DAP: variants seen among roughly 807,000 people sequenced by gnomAD.
DAP encodes the protein death associated protein, also known as death-associated protein 1.
In DAP, 8 loss-of-function variants were observed where a neutral mutation model predicts 13.8. The ratio of observed to expected loss-of-function variants is 0.58; its 90% CI spans 0.34 to 1.05. The LOEUF (loss-of-function observed/expected upper bound fraction) is 1.05. Among genes scored for constraint, DAP ranks in the 50% least tolerant of loss-of-function variants. The pLI is 0.03. For synonymous variants in DAP, 47 were observed against 47.5 expected, an observed-to-expected ratio of 0.99 and a Z score of 0.04; for missense variants, 106 against 133.2, an observed-to-expected ratio of 0.80 and a Z score of 1.01.
chr5:10,703,961 A>G (rs1738641422), intron 2 of DAP, among the ~76,000 whole-genome samples: 1 of 152,220 alleles, frequency 6.6e-6, no homozygotes, highest in South Asian at 2.1e-4. Flanking sequence ...TCACAGCACC[A>G]TGCTGTGGCA....
intron 2 of DAP, among the ~76,000 whole-genome samples, chr5:10,691,234 A>C (rs1204379941): frequency 2.0e-5 from 3 of 152,256 alleles, no homozygotes; most frequent in Admixed American, 1.3e-4. Flanking sequence ...CAAAATGTCT[A>C]ACAGCGATAT....
At chr5:10,730,551 G>GGGA (rs1368398176) in intron 2 of DAP, among the ~76,000 whole-genome samples, 1 of 148,220 alleles carries the variant, frequency 6.7e-6, no homozygotes. Flanking sequence ...CTGGTAGGGG[G>GGGA]AATCTTTCTG....
At chr5:10,701,482 G>A (rs1738573938) in intron 2 of DAP, among the ~76,000 whole-genome samples, 2 of 152,148 alleles carry the variant, frequency 1.3e-5, no homozygotes, top group South Asian at 4.1e-4. Context: ...TTTCAAGGAT[G>A]TAAGTACAAA....
chr5:10,760,886 G>A (rs957921816), intron 1 of DAP, 128 bp downstream of exon 1: 3 of 490,320 alleles, frequency 6.1e-6, no homozygotes, highest in Non-Finnish European at 9.0e-6. Context: ...CCCCTCGGGC[G>A]GGCATCAAGG....
chr5:10,691,861 G>A (rs550619106), intron 2 of DAP, among the ~76,000 whole-genome samples: 3 of 152,208 alleles, frequency 2.0e-5, no homozygotes, highest in South Asian at 4.1e-4. Flanking sequence ...GTCCGTGCAC[G>A]TGGGTCTCTA....
Position 10,748,262 on chromosome 5 carries a change from C to T in DAP, c.65G>A (p.Gly22Asp). Residue 22 changes from glycine to aspartate, a missense_variant, in exon 2 of 4, where the codon GGT becomes GAT. Physicochemically the swap from Gly to Asp is moderately conservative, Grantham distance 94 (BLOSUM62 -1). Transcript: ENST00000230895. ...KAGHPPAVKA[G>D]GMRIVQKHPH... Reference sequence around the variant, plus strand: ...GTGTTTCTGCACAATTCGCATTCCACCAGCTTTCACTGAAATGAAAACAGA... The same window carrying T: ...GTGTTTCTGCACAATTCGCATTCCATCAGCTTTCACTGAAATGAAAACAGA... 1.9e-6 allele frequency: 3 copies of T among 1,613,688 alleles called. No homozygotes were observed. The highest frequency in any genetic ancestry group is 2.2e-5 in the South Asian group (2 of 91,074).
chr5:10,760,940 C>G (rs1202657390), intron 1 of DAP, 74 bp downstream of exon 1: 2 of 986,372 alleles, frequency 2.0e-6, no homozygotes, highest in Non-Finnish European at 2.6e-6. Flanking sequence ...CCCCGCGGAG[C>G]CCCCGCCCGG....
chr5:10,697,048 T>TA (rs375329394), intron 2 of DAP, among the ~76,000 whole-genome samples: 4 of 151,652 alleles, frequency 2.6e-5, no homozygotes, highest in Non-Finnish European at 5.9e-5. Context: ...GGGGCAAACT[T>TA]AAAAAAAAGG....
chr5:10,760,925 G>A, intron 1 of DAP, 89 bp downstream of exon 1: 4 of 843,604 alleles, frequency 4.7e-6, no homozygotes, highest in Non-Finnish European at 6.2e-6. Context: ...GCTCGCCGGG[G>A]CCCTCCCCGC....
chr5:10,730,403 G>A lies in DAP; in HGVS notation c.152+17772C>T, dbSNP rs187344145. On this transcript the variant is annotated intron_variant, in intron 2 of 3. Coordinates refer to ENST00000230895, the MANE Select transcript of DAP (RefSeq NM_004394.3). ...AAATCTACTACAAGAGTGGGGGACT[G>A]AGAGCCCCGGTGGGGGGGAATCTTT... Among the ~76,000 whole-genome samples the A allele has an allele frequency of 2.0e-3, 311 of 152,372 alleles. 5 individuals carry two copies. The South Asian group carries it at 0.029, about 14-fold the overall frequency.
intron 2 of DAP, among the ~76,000 whole-genome samples, chr5:10,741,714 G>C (rs1319382633): frequency 6.6e-6 from 1 of 152,156 alleles, no homozygotes; most frequent in Non-Finnish European, 1.5e-5. Context: ...GTGCCTACTT[G>C]CTAAAATTTA....
intron 2 of DAP, among the ~76,000 whole-genome samples, chr5:10,721,042 C>T (rs1463175245): frequency 6.6e-6 from 1 of 152,232 alleles, no homozygotes; most frequent in African/African-American, 2.4e-5. Flanking sequence ...TGTTCTCCAT[C>T]ATCCTGAAGC....
At chr5:10,735,011 T>C (rs1188500710) in intron 2 of DAP, among the ~76,000 whole-genome samples, 1 of 152,202 alleles carries the variant, frequency 6.6e-6, no homozygotes, top group Non-Finnish European at 1.5e-5. Context: ...CTTCATCTGC[T>C]TTCAGTGTCT....
chr5:10,757,295 C>A (rs972176808), intron 1 of DAP, among the ~76,000 whole-genome samples: 1 of 151,118 alleles, frequency 6.6e-6, no homozygotes, highest in African/African-American at 2.4e-5. Flanking sequence ...TTTTTTTAGA[C>A]GAAATATTCG....
intron 2 of DAP, among the ~76,000 whole-genome samples, chr5:10,736,627 G>C (rs1322080383): frequency 6.6e-6 from 1 of 152,180 alleles, no homozygotes; most frequent in Non-Finnish European, 1.5e-5. Context: ...CTCCCTTGCT[G>C]GCACATAAAC....
At chr5:10,731,896 G>C (rs364491) in intron 2 of DAP, among the ~76,000 whole-genome samples, 77,744 of 152,098 alleles carry the variant, frequency 0.51, 21,980 homozygotes, top group Non-Finnish European at 0.64. Context: ...GGAGGGCAGA[G>C]AGGTGGCCCT....
chr5:10,733,473 C>G (rs1469780843), intron 2 of DAP, among the ~76,000 whole-genome samples: 1 of 152,156 alleles, frequency 6.6e-6, no homozygotes, highest in Non-Finnish European at 1.5e-5. Flanking sequence ...TGACATCTCA[C>G]CTCTCAAGGC....
intron 2 of DAP, among the ~76,000 whole-genome samples, chr5:10,689,981 T>C (rs1166891810): frequency 1.3e-5 from 2 of 152,204 alleles, no homozygotes; most frequent in African/African-American, 2.4e-5. Flanking sequence ...CATGAAGGCC[T>C]GAGACTTCAT....
intron 2 of DAP, among the ~76,000 whole-genome samples, chr5:10,747,750 G>A (rs1739943349): frequency 6.6e-6 from 1 of 152,224 alleles, no homozygotes; most frequent in Non-Finnish European, 1.5e-5. Context: ...CCAGCCTTGG[G>A]AAGAGGGTGG....
Sources: allele counts gnomAD v4.1 joint callset (sites outside exome capture counted in the v4.1 genomes callset), GRCh38; gene constraint gnomAD v4.1.1; transcripts MANE v1.5; gene names NCBI Gene and HGNC (gene_info 2026-07-23, HGNC 2026-07-21).